Variants in RMC1 observed in about 807,000 individuals in gnomAD.
RMC1 encodes the protein regulator of MON1-CCZ1 complex.
RMC1 carries 44 observed loss-of-function variants against 95.5 expected under a neutral mutation model. The observed-to-expected ratio is 0.46, with a 90% confidence interval of 0.36 to 0.59. The LOEUF (loss-of-function observed/expected upper bound fraction) is 0.59, where lower values mean the gene tolerates loss of function less well. Among genes scored for constraint, RMC1 ranks in the 20% least tolerant of loss-of-function variants. RMC1 has a pLI of 0.00. For synonymous variants in RMC1, 320 were observed against 303.6 expected (o/e 1.05, Z -0.56); for missense variants, 705 against 819.6 (o/e 0.86, Z 1.71).
At position 23,529,757 on chromosome 18, in the gene RMC1, A is replaced by T. The variant is rs200597877; in HGVS notation, c.1494+45A>T. On this transcript the variant is annotated intron_variant, in intron 16 of 19. Coordinates refer to ENST00000269221, the MANE Select transcript of RMC1 (RefSeq NM_013326.5). ...GCCCAAGTTAAAACAGAAGGAATTT[A>T]AAAAAAAAACACAGTCACTGTCTTA... 1.3e-3 allele frequency: 1,812 copies of T among 1,393,602 alleles called. 13 individuals carry two copies. The African/African-American group carries it at 0.021, about 16-fold the overall frequency. The allele number at this position is 1,393,602 out of a possible 1,614,324, so 86.3% of individuals were successfully genotyped here. A position where few individuals can be genotyped will look rare whatever the true frequency, so the allele number is the denominator to read the frequency against.
chr18:23,505,704 T>C (rs945857571), intron 2 of RMC1, among the ~76,000 whole-genome samples: 1 of 152,152 alleles, frequency 6.6e-6, no homozygotes, highest in African/African-American at 2.4e-5. Context: ...AGCAGCGCTC[T>C]GGTGGTGTAG....
At chr18:23,520,113 C>A (rs911881870) in intron 9 of RMC1, 89 bp from the exon 10 acceptor site, 5 of 985,364 alleles carry the variant, frequency 5.1e-6, no homozygotes, top group Middle Eastern at 2.1e-4. Context: ...GGCTTTTAAA[C>A]TGATTTAAAC....
intron 5 of RMC1, among the ~76,000 whole-genome samples, chr18:23,515,559 C>T (rs781584196): frequency 1.3e-5 from 2 of 152,184 alleles, no homozygotes; most frequent in African/African-American, 2.4e-5. Flanking sequence ...GACTGAATCT[C>T]GCTCTGTCAC....
At chr18:23,503,774 C>T (rs303760) in intron 1 of RMC1, 54 bp downstream of exon 1, 485,557 of 1,495,932 alleles carry the variant, frequency 0.32, 82,913 homozygotes, top group Middle Eastern at 0.38. Flanking sequence ...GTCGTGGGCG[C>T]GCCAAGGCCG....
At chr18:23,519,603 A>G (rs2058093700) in intron 9 of RMC1, among the ~76,000 whole-genome samples, 1 of 152,234 alleles carries the variant, frequency 6.6e-6, no homozygotes, top group Non-Finnish European at 1.5e-5. Context: ...CCAGATGGAA[A>G]TGGGTTTGGT....
chr18:23,524,051 T>G, intron 10 of RMC1, 79 bp from the exon 11 acceptor site: 1 of 1,401,538 alleles, frequency 7.1e-7, no homozygotes, highest in East Asian at 2.3e-5. Flanking sequence ...TTAAAAAGTA[T>G]TGACTTTTGT....
intron 19 of RMC1, among the ~76,000 whole-genome samples, chr18:23,531,011 T>TAAAAAAAAA (rs1300366740): frequency 2.6e-5 from 4 of 152,176 alleles, no homozygotes; most frequent in East Asian, 1.9e-4. Context: ...CATTTTTTTT[T>TAAAAAAAAA]TGAGACAGAG....
In RMC1 at chr18:23,506,998, A is replaced by G; in HGVS notation, c.208A>G (p.Ile70Val). The G allele has an allele frequency of 1.2e-6, 2 of 1,609,670 alleles. No individual in the cohort carries two copies. Residue 70 changes from isoleucine to valine, a missense_variant, in exon 3 of 20, where the codon ATT becomes GTT. Ile to Val is a conservative substitution (Grantham distance 29). Coordinates refer to ENST00000269221, the MANE Select transcript of RMC1 (RefSeq NM_013326.5). ...GGATGACAAAGGAGAAGTGAAGTGC[A>G]TTAAGTTTTCCTTAGAAAATAAGAT... is the stretch of plus-strand genomic sequence containing the variant. ...RMDDKGEVKC[I>V]KFSLENKILA...
chr18:23,519,519 GAAAA>G (rs35759590), intron 9 of RMC1, among the ~76,000 whole-genome samples: 1 of 136,130 alleles, frequency 7.3e-6, no homozygotes, highest in African/African-American at 2.7e-5. Context: ...TCCTGTCTCC[GAAAA>G]AAAAAAAAAA....
chr18:23,527,643 T>A, intron 13 of RMC1, 152 bp from the exon 14 acceptor site: 2 of 305,720 alleles, frequency 6.5e-6, no homozygotes, highest in Non-Finnish European at 5.8e-6. Context: ...GCGAATGACA[T>A]CTAGCTGTCA....
rs899189709 is a variant in RMC1 at position 23,531,677 on chromosome 18, A to C, written c.1947A>C (p.Gln649His). 2 of 1,613,354 alleles carry C rather than the reference A, an allele frequency of 1.2e-6. No individual in the cohort carries two copies. The highest frequency in any genetic ancestry group is 1.7e-5 in the Admixed American group (1 of 59,896). ...VAFFKQIFGD[Q>H]ALMRPTTF Reference sequence around the variant, plus strand: ...TTTTCAAACAGATTTTTGGAGACCAAGCTCTAATGAGGCCTACAACATTCT... The same window carrying C: ...TTTTCAAACAGATTTTTGGAGACCACGCTCTAATGAGGCCTACAACATTCT... Residue 649 changes from glutamine (Q) to histidine (H), a missense_variant, in exon 20 of 20, where the codon CAA becomes CAC. Physicochemically the swap from Gln to His is conservative, Grantham distance 24 (BLOSUM62 0). Transcript: ENST00000269221.
At chr18:23,524,627 TTATACGTTTTTTACTA>T in intron 12 of RMC1, 145 bp downstream of exon 12, 1 of 745,950 alleles carries the variant, frequency 1.3e-6, no homozygotes, top group South Asian at 1.7e-5. Context: ...TTTTTTCACT[TTATACGTTTTTTACTA>T]TATGTGCATT....
intron 5 of RMC1, among the ~76,000 whole-genome samples, chr18:23,514,557 CAAAA>C (rs879753932): frequency 7.5e-6 from 1 of 133,258 alleles, no homozygotes; most frequent in Admixed American, 7.5e-5. Context: ...AACTCCGTCT[CAAAA>C]AAAAAAAAAA....
intron 19 of RMC1, among the ~76,000 whole-genome samples, chr18:23,530,821 GGT>G (rs2058473935): frequency 6.6e-6 from 1 of 152,156 alleles, no homozygotes; most frequent in African/African-American, 2.4e-5. Context: ...TCACCGAGGA[GGT>G]GTGTTTTGAG....
chr18:23,530,558 C>T lies in RMC1; in HGVS notation c.1840C>T (p.Arg614Cys), dbSNP rs371338099. 49 of 1,614,048 alleles carry T rather than the reference C, an allele frequency of 3.0e-5. No individual in the cohort carries two copies. The highest frequency in any genetic ancestry group is 8.3e-5 in the Admixed American group (5 of 59,994). ...CAACATGCTTTTCTATACAATATTC[C>T]GCTTTTTTGAACAGCGAAACCAGCG... ...EDNMLFYTIF[R>C]FFEQRNQRLR... Residue 614 changes from arginine to cysteine, a missense_variant, in exon 19 of 20, where the codon CGC (arginine) becomes TGC (cysteine). Arg to Cys is a radical substitution (Grantham distance 180, BLOSUM62 -3). Coordinates refer to ENST00000269221, the MANE Select transcript of RMC1 (RefSeq NM_013326.5).
At position 23,503,676 on chromosome 18, in the gene RMC1, G is replaced by A; in HGVS notation, c.58G>A (p.Ala20Thr). The A allele has an allele frequency of 6.3e-7, 1 of 1,594,790 alleles. No individual in the cohort carries two copies. Among genetic ancestry groups the A allele is most frequent in the South Asian group, 1.1e-5 (1 of 89,636 alleles). Residue 20 changes from alanine (A) to threonine (T), a missense_variant, in exon 1 of 20, where the codon GCG becomes ACG. Physicochemically the swap from Ala to Thr is moderately conservative, Grantham distance 58. Transcript: ENST00000269221. The stretch of plus-strand genomic sequence containing the variant: ...CGAGCGGCCGGTGCAGTTCGAGAAG[G>A]CGAACCCTGTCAACTGCGTCTTCTT... Reference protein sequence around the residue: ...LCERPVQFEKANPVNCVFFDE... With the variant: ...LCERPVQFEKTNPVNCVFFDE...
intron 5 of RMC1, among the ~76,000 whole-genome samples, chr18:23,514,889 A>G (rs1307855659): frequency 6.6e-6 from 1 of 152,194 alleles, no homozygotes; most frequent in East Asian, 1.9e-4. Flanking sequence ...GCAGTGTACC[A>G]TGAGCATTAA....
chr18:23,527,685 C>A, intron 13 of RMC1, 110 bp from the exon 14 acceptor site: 6 of 791,672 alleles, frequency 7.6e-6, no homozygotes, highest in Non-Finnish European at 1.3e-5. Context: ...TTTAAAGGTA[C>A]TTTTGCATTG....
intron 14 of RMC1, chr18:23,528,349 T>C: frequency 6.4e-6 from 1 of 157,102 alleles, no homozygotes; most frequent in Non-Finnish European, 1.4e-5. Context: ...GTGTTAGCAC[T>C]TAGCAGGCGT....
Sources: gnomAD v4.1 joint callset for allele counts (sites outside exome capture counted in the v4.1 genomes callset) on GRCh38, gnomAD v4.1.1 for gene constraint, MANE v1.5 for transcripts, NCBI Gene and HGNC (gene_info 2026-07-23, HGNC 2026-07-21) for gene names.